The following FBH1 variants were observed in gnomAD, a reference collection of about 807,000 sequenced individuals.
The protein encoded by FBH1 is F-box DNA helicase 1, also known as DNA 3'-5' helicase 1.
A neutral mutation model predicts 115.5 loss-of-function variants in FBH1; 43 were observed. That is an observed-to-expected ratio of 0.37 (90% CI 0.29 to 0.48). The LOEUF (loss-of-function observed/expected upper bound fraction) is 0.48. Among genes scored for constraint, FBH1 ranks in the 20% least tolerant of loss-of-function variants. The pLI is 0.99. For synonymous variants in FBH1, 524 were observed against 507.8 expected (o/e 1.03, Z -0.43); for missense variants, 1,001 against 1,337.3 (o/e 0.75, Z 3.92).
In FBH1 at chr10:5,924,672, A is replaced by G. The variant is rs112976788; in HGVS notation, c.2596+164A>G. On this transcript the variant is annotated intron_variant, in intron 17 of 20. Transcript: ENST00000362091. This position sits in a 1 kb window ranked among gnomAD's most constrained non-coding sequence, Gnocchi z 6.2. ...AATGCCCACCTTCTGGGTTCAAGCA[A>G]TTATCCTGCCTCAGCCTCGTGAGTA... 2.8e-4 allele frequency: 203 copies of G among 717,572 alleles called. 1 individual carries two copies. In the African/African-American group the frequency reaches 3.1e-3, roughly 11 times the overall value. 44.5% of individuals were successfully genotyped at this position (717,572 alleles called of 1,614,324 possible). A position where few individuals can be genotyped will look rare whatever the true frequency, so the allele number is the denominator to read the frequency against.
At position 5,917,399 on chromosome 10, in the gene FBH1, ACCATATG is replaced by A. The variant is rs1172639217; in HGVS notation, c.1789-19_1789-13del. On this transcript the variant is annotated splice_polypyrimidine_tract_variant and intron_variant, in intron 10 of 20. Transcript: ENST00000362091. This position sits in a 1 kb window ranked among gnomAD's most constrained non-coding sequence, Gnocchi z 5.6. ...TTGCCAGGGTCTCAAACTCTGGGTT[ACCATATG>A]CTTTACTTCCTAGAATGGTGTCCTT... 6.2e-7 allele frequency: 1 copy of A among 1,609,524 alleles called. No individual in the cohort carries two copies. Among genetic ancestry groups the A allele is most frequent in the African/African-American group, 1.3e-5 (1 of 74,832 alleles).
intron 1 of FBH1, chr10:5,894,930 A>G (rs1842926433): frequency 7.0e-6 from 7 of 993,360 alleles, no homozygotes; most frequent in South Asian, 3.3e-5. Flanking sequence ...TGTTACAAGT[A>G]TCTCGGGTGT....
intron 1 of FBH1, among the ~76,000 whole-genome samples, chr10:5,891,983 T>C (rs1842760865): frequency 6.6e-6 from 1 of 152,220 alleles, no homozygotes; most frequent in Admixed American, 6.5e-5. Context: ...GCCTCTTGTG[T>C]CTTCTCTATG....
chr10:5,927,046 G>C (rs1832698054), intron 18 of FBH1, among the ~76,000 whole-genome samples: 2 of 152,220 alleles, frequency 1.3e-5, no homozygotes, highest in African/African-American at 4.8e-5. Context: ...CCAGGCCCTT[G>C]ATTAGCCATG....
intron 1 of FBH1, among the ~76,000 whole-genome samples, chr10:5,891,963 A>AT (rs1343809365): frequency 6.6e-6 from 1 of 152,216 alleles, no homozygotes; most frequent in Non-Finnish European, 1.5e-5. Flanking sequence ...GGTGTTGCAC[A>AT]TTCGATTCTG....
At position 5,921,147 on chromosome 10, in the gene FBH1, G is replaced by A. The variant is rs1023169704; in HGVS notation, c.2101-111G>A. 2 of 952,084 alleles carry A rather than the reference G, an allele frequency of 2.1e-6. No individual in the cohort carries two copies. Among genetic ancestry groups the A allele is most frequent in the Middle Eastern group, 2.6e-4 (1 of 3,910 alleles). 59.0% of individuals were successfully genotyped at this position (952,084 alleles called of 1,614,324 possible). The stretch of plus-strand genomic sequence containing the variant: ...GTGAAGTTCGCTTTCCATGCGGGGG[G>A]TCAGGAACAACTTGTAGGGTCTGGC... On this transcript the variant is annotated intron_variant, in intron 13 of 20. Transcript: ENST00000362091. This position sits in a 1 kb window ranked among gnomAD's most constrained non-coding sequence, Gnocchi z 6.4.
intron 10 of FBH1, among the ~76,000 whole-genome samples, chr10:5,916,868 A>C (rs969877391): frequency 6.6e-6 from 1 of 152,182 alleles, no homozygotes; most frequent in Non-Finnish European, 1.5e-5. Context: ...CCTGTGAAGG[A>C]CACTGGTGAC....
intron 1 of FBH1, chr10:5,894,381 A>G: frequency 6.3e-7 from 1 of 1,582,124 alleles, no homozygotes; most frequent in African/African-American, 1.3e-5. Context: ...TGAGGTTTTC[A>G]GAAGCTGCTT....
At position 5,918,702 on chromosome 10, in the gene FBH1, G is replaced by A. The variant is rs1320207800; in HGVS notation, c.2100+224G>A. Among the ~76,000 whole-genome samples the A allele has an allele frequency of 6.6e-6, 1 of 152,220 alleles. No individual in the cohort carries two copies. The highest frequency in any genetic ancestry group is 2.4e-5 in the African/African-American group (1 of 41,462). ...GGAAGAGCTGCTGCGGCTGAACTGT[G>A]AACCGATGGCTGCTGCCGCCTTGTA... On this transcript the variant is annotated intron_variant, in intron 13 of 20. Transcript: ENST00000362091. The surrounding 1 kb of genome is among the most constrained non-coding windows in gnomAD (Gnocchi z 4.0).
chr10:5,935,805 C>T lies in FBH1; in HGVS notation c.2830-651C>T, dbSNP rs1020545664. 1 of 152,448 alleles carries T rather than the reference C, an allele frequency of 6.6e-6. No individual in the cohort carries two copies. Among genetic ancestry groups the T allele is most frequent in the Non-Finnish European group, 1.5e-5 (1 of 68,212 alleles). The allele number at this position is 152,448 out of a possible 1,614,324, so 9.4% of individuals were successfully genotyped here. A position where few individuals can be genotyped will look rare whatever the true frequency, so the allele number is the denominator to read the frequency against. On this transcript the variant is annotated intron_variant, in intron 19 of 20. Coordinates refer to ENST00000362091, the MANE Select transcript of FBH1 (RefSeq NM_178150.3). The surrounding 1 kb of genome is among the most constrained non-coding windows in gnomAD (Gnocchi z 5.2). Reference sequence around the variant, plus strand: ...CATATCAGTCTGTGATGTGGAGCCCCACAGGGCAGCAGCGAAGCTGACAGT... The same window carrying T: ...CATATCAGTCTGTGATGTGGAGCCCTACAGGGCAGCAGCGAAGCTGACAGT...
intron 1 of FBH1, among the ~76,000 whole-genome samples, chr10:5,899,607 C>T (rs1490905536): frequency 2.0e-5 from 3 of 152,164 alleles, no homozygotes; most frequent in African/African-American, 7.2e-5. Context: ...TCTGTTGGAT[C>T]TATAGGGCCT....
In FBH1 at chr10:5,895,047, G is replaced by A. The variant is rs372680304; in HGVS notation, c.1+4701G>A. ...TAACTGTTGAAATTGGGCCATTCCC[G>A]TTTCACAGGCTGCCATTGGACCTGT... On this transcript the variant is annotated intron_variant, in intron 1 of 20. Coordinates refer to ENST00000362091, the MANE Select transcript of FBH1 (RefSeq NM_178150.3). This position sits in a 1 kb window ranked among gnomAD's most constrained non-coding sequence, Gnocchi z 5.0. The A allele has an allele frequency of 5.8e-5, 93 of 1,608,344 alleles. No homozygotes were observed. The highest frequency in any genetic ancestry group is 3.9e-4 in the South Asian group (35 of 90,628).
Position 5,935,467 on chromosome 10 carries a change from C to T in FBH1, c.2830-989C>T, listed in dbSNP as rs566533167. 3.9e-5 allele frequency: 6 copies of T among 152,290 alleles called. No individual in the cohort carries two copies. In the South Asian group the frequency reaches 6.2e-4, roughly 16 times the overall value. The allele number at this position is 152,290 out of a possible 1,614,324, so 9.4% of individuals were successfully genotyped here. ...ATTTCACCGTGGGTTGGAGGGACCT[C>T]GCCAGGTTCATGGTCTTGGCTGTCT... On this transcript the variant is annotated intron_variant, in intron 19 of 20. Coordinates refer to ENST00000362091, the MANE Select transcript of FBH1 (RefSeq NM_178150.3). The surrounding 1 kb of genome is among the most constrained non-coding windows in gnomAD (Gnocchi z 5.2).
In FBH1 at chr10:5,918,841, T is replaced by C. The variant is rs55803234; in HGVS notation, c.2100+363T>C. Among the ~76,000 whole-genome samples, 13,238 of 152,334 alleles carry C rather than the reference T, an allele frequency of 0.087. 638 individuals carry two copies. The highest frequency in any genetic ancestry group is 0.12 in the Middle Eastern group (35 of 294). On this transcript the variant is annotated intron_variant, in intron 13 of 20. Coordinates refer to ENST00000362091, the MANE Select transcript of FBH1 (RefSeq NM_178150.3). The surrounding 1 kb of genome is among the most constrained non-coding windows in gnomAD (Gnocchi z 4.0). Reference sequence around the variant, plus strand: ...CGACTTCAGGGAAAATAACTGACAGTGTTTGTTGTCAAAAGTAACATCTTT... The same window carrying C: ...CGACTTCAGGGAAAATAACTGACAGCGTTTGTTGTCAAAAGTAACATCTTT...
In FBH1 at chr10:5,911,489, G is replaced by T. The variant is rs529004676; in HGVS notation, c.1211+361G>T. ...GCTCTACTTCCTCCATATCCCACTT[G>T]TGGGATGGAAAAGACTCATCCACCT... On this transcript the variant is annotated intron_variant, in intron 6 of 20. Coordinates refer to ENST00000362091, the MANE Select transcript of FBH1 (RefSeq NM_178150.3). This position sits in a 1 kb window ranked among gnomAD's most constrained non-coding sequence, Gnocchi z 5.4. Among the ~76,000 whole-genome samples the T allele has an allele frequency of 6.6e-6, 1 of 152,310 alleles. No individual in the cohort carries two copies. Among genetic ancestry groups the T allele is most frequent in the East Asian group, 1.9e-4 (1 of 5,188 alleles).
chr10:5,908,245 C>T (rs76960303), intron 3 of FBH1, among the ~76,000 whole-genome samples: 7,332 of 152,202 alleles, frequency 0.048, 251 homozygotes, highest in East Asian at 0.15. Flanking sequence ...TGAATTGACC[C>T]TTTTATCATT....
rs913309652 is a variant in FBH1, at chr10:5,900,980, C to G, written c.2-2040C>G. Among the ~76,000 whole-genome samples the G allele has an allele frequency of 3.3e-5, 5 of 151,994 alleles. No homozygotes were observed. Among genetic ancestry groups the G allele is most frequent in the African/African-American group, 1.2e-4 (5 of 41,376 alleles). ...GGTGTGGTGGAGGGGGCCTGTAGTC[C>G]CAGCTACTTGGGAGGCCAAGGCAAG... is the stretch of plus-strand genomic sequence containing the variant. On this transcript the variant is annotated intron_variant, in intron 1 of 20. Transcript: ENST00000362091. This position sits in a 1 kb window ranked among gnomAD's most constrained non-coding sequence, Gnocchi z 4.2.
Position 5,909,866 on chromosome 10 carries a change from TGAA to T in FBH1, c.1020+578_1020+580del, listed in dbSNP as rs1479590702. 1.3e-5 allele frequency among the ~76,000 whole-genome samples: 2 copies of T among 152,218 alleles called. No individual in the cohort carries two copies. The highest frequency in any genetic ancestry group is 2.4e-5 in the African/African-American group (1 of 41,444). On this transcript the variant is annotated intron_variant, in intron 5 of 20. Coordinates refer to ENST00000362091, the MANE Select transcript of FBH1 (RefSeq NM_178150.3). The surrounding 1 kb of genome is among the most constrained non-coding windows in gnomAD (Gnocchi z 4.4). ...CAGGCAACTGCATTTCTGTTTCTCT[TGAA>T]GAAGATGATTGCTGATGGTGGTGGA...
Position 5,932,712 on chromosome 10 carries a change from G to GTTGTT in FBH1, c.2830-3726_2830-3722dup, listed in dbSNP as rs930392503. Among the ~76,000 whole-genome samples the GTTGTT allele has an allele frequency of 2.6e-5, 4 of 152,056 alleles. No individual in the cohort carries two copies. Among genetic ancestry groups the GTTGTT allele is most frequent in the East Asian group, 1.9e-4 (1 of 5,192 alleles). Reference sequence around the variant, plus strand: ...AGATAAATGCAAGTGTGACTTTTCTGTTGTTTTGTTTTGTTTTGTTTTTGA... The same window carrying GTTGTT: ...AGATAAATGCAAGTGTGACTTTTCTGTTGTTTTGTTTTGTTTTGTTTTGTTTTTGA... On this transcript the variant is annotated intron_variant, in intron 19 of 20. Transcript: ENST00000362091. This position sits in a 1 kb window ranked among gnomAD's most constrained non-coding sequence, Gnocchi z 5.9.
Sources: gnomAD v4.1 joint callset for allele counts (sites outside exome capture counted in the v4.1 genomes callset) on GRCh38, gnomAD v4.1.1 for gene constraint, Gnocchi (gnomAD v3.1) non-coding constraint, MANE v1.5 for transcripts, NCBI Gene and HGNC (gene_info 2026-07-23, HGNC 2026-07-21) for gene names.